The following TENM2 variants were observed in gnomAD, a reference collection of about 807,000 sequenced individuals.
TENM2 encodes teneurin transmembrane protein 2.
A neutral mutation model predicts 245.2 loss-of-function variants in TENM2; 52 were observed. The ratio of observed to expected loss-of-function variants is 0.21; its 90% CI spans 0.17 to 0.27. The LOEUF is 0.27. Ranked by LOEUF, TENM2 falls within the 10% of genes least tolerant of loss-of-function variation. The pLI is 1.00. For missense variants in TENM2, 3,046 were observed against 3,666.8 expected (o/e 0.83, Z 4.37); for synonymous variants, 1,363 against 1,438.9 (o/e 0.95, Z 1.19).
At chr5:167,458,266 C>G (rs1766043301) in intron 2 of TENM2, among the ~76,000 whole-genome samples, 1 of 145,342 alleles carries the variant, frequency 6.9e-6, no homozygotes, top group Non-Finnish European at 1.6e-5. Context: ...ACAGGTGGAT[C>G]ACCTGAGATC....
the TENM2 span, among the ~76,000 whole-genome samples, chr5:167,191,102 T>C: frequency 3.3e-5 from 5 of 151,960 alleles, no homozygotes. Flanking sequence ...TGATATATAT[T>C]CATGCCTGTC....
chr5:167,999,024 A>G (rs12522181), intron 5 of TENM2, among the ~76,000 whole-genome samples: 48,462 of 152,018 alleles, frequency 0.32, 7,869 homozygotes, highest in East Asian at 0.37. Flanking sequence ...CTCACTGAAC[A>G]GAGCAGGTTT....
chr5:167,011,072 T>C, the TENM2 span, among the ~76,000 whole-genome samples: 1 of 152,334 alleles, frequency 6.6e-6, no homozygotes, highest in South Asian at 2.1e-4. Flanking sequence ...TCCAAAAATC[T>C]TTATCTGGAG....
intron 1 of TENM2, among the ~76,000 whole-genome samples, chr5:167,331,599 G>A (rs1244414906): frequency 1.3e-5 from 2 of 152,168 alleles, no homozygotes; most frequent in African/African-American, 2.4e-5. Flanking sequence ...TGTTGGGCGC[G>A]AAGAAGGAAG....
At chr5:167,469,420 T>A (rs1182099100) in intron 2 of TENM2, among the ~76,000 whole-genome samples, 1 of 152,172 alleles carries the variant, frequency 6.6e-6, no homozygotes, top group Non-Finnish European at 1.5e-5. Flanking sequence ...AAATTAATGT[T>A]ATAAATCAAT....
chr5:167,886,764 G>A (rs915527733), intron 3 of TENM2, among the ~76,000 whole-genome samples: 1 of 152,142 alleles, frequency 6.6e-6, no homozygotes, highest in African/African-American at 2.4e-5. Context: ...AGATTGGGCA[G>A]GCAAAACACT....
intron 5 of TENM2, among the ~76,000 whole-genome samples, chr5:168,012,785 A>C (rs1478025458): frequency 6.6e-6 from 1 of 151,428 alleles, no homozygotes; most frequent in African/African-American, 2.4e-5. Context: ...AAAAAAAAAA[A>C]AAAAAAAAAA....
chr5:167,205,296 G>A, the TENM2 span, among the ~76,000 whole-genome samples: 6 of 152,258 alleles, frequency 3.9e-5, no homozygotes, highest in African/African-American at 4.8e-5. Flanking sequence ...CACGAGAATC[G>A]CTTGGACCTG....
At chr5:168,066,500 TC>T (rs1318486008) in intron 7 of TENM2, among the ~76,000 whole-genome samples, 1 of 152,306 alleles carries the variant, frequency 6.6e-6, no homozygotes, top group Admixed American at 6.5e-5. Context: ...TCCCAAATTG[TC>T]CTGAAAATGT....
intron 1 of TENM2, among the ~76,000 whole-genome samples, chr5:167,374,499 C>A (rs966815404): frequency 3.3e-5 from 5 of 152,070 alleles, no homozygotes; most frequent in African/African-American, 1.2e-4. Context: ...CACACAATCA[C>A]CCTGAGAAAA....
intron 7 of TENM2, among the ~76,000 whole-genome samples, chr5:168,066,624 G>A (rs986074395): frequency 1.3e-5 from 2 of 152,018 alleles, no homozygotes; most frequent in African/African-American, 2.4e-5. Context: ...AATTTTAAAG[G>A]TAGGTATTAT....
At chr5:167,369,030 A>G (rs187901472) in intron 1 of TENM2, among the ~76,000 whole-genome samples, 2 of 143,532 alleles carry the variant, frequency 1.4e-5, no homozygotes, top group Admixed American at 1.4e-4. Flanking sequence ...GTGTGTTTGT[A>G]AAAGTGTAGG....
chr5:167,910,368 T>C (rs1269135473), intron 3 of TENM2, among the ~76,000 whole-genome samples: 1 of 152,204 alleles, frequency 6.6e-6, no homozygotes, highest in Non-Finnish European at 1.5e-5. Flanking sequence ...CACACAGATG[T>C]GAGTCCCTGG....
At chr5:167,726,626 C>A (rs2150537579) in intron 2 of TENM2, among the ~76,000 whole-genome samples, 1 of 151,992 alleles carries the variant, frequency 6.6e-6, no homozygotes, top group South Asian at 2.1e-4. Context: ...ACCTAGCTAA[C>A]TTTTTTATTT....
At chr5:168,081,565 G>T (rs964359464) in intron 7 of TENM2, among the ~76,000 whole-genome samples, 2 of 152,294 alleles carry the variant, frequency 1.3e-5, no homozygotes, top group East Asian at 3.9e-4. Flanking sequence ...GCAGTGGCTT[G>T]TACTGGTTGT....
intron 2 of TENM2, among the ~76,000 whole-genome samples, chr5:167,491,999 G>A (rs184614219): frequency 2.6e-4 from 39 of 152,166 alleles, no homozygotes; most frequent in African/African-American, 8.4e-4. Context: ...AAAGAGGAAC[G>A]CTTTTTCAAT....
intron 3 of TENM2, among the ~76,000 whole-genome samples, chr5:167,912,743 T>C (rs1336750515): frequency 2.6e-5 from 4 of 152,166 alleles, no homozygotes; most frequent in African/African-American, 9.7e-5. Flanking sequence ...TGTTAGGATG[T>C]GAAGCAAAGG....
chr5:168,024,311 A>G (rs1464428459), intron 5 of TENM2, among the ~76,000 whole-genome samples: 1 of 152,208 alleles, frequency 6.6e-6, no homozygotes, highest in African/African-American at 2.4e-5. Context: ...GTGCAGGGAC[A>G]TTGTGAGCAG....
In TENM2 at chr5:168,250,552, T is replaced by A. The variant is rs1257991657; in HGVS notation, c.7432+2181T>A. Reference sequence around the variant, plus strand: ...ATCTACCTGGAGCACAGTGCTGCCATCTAAGCCCCATGCTGCAGAAATAAA... The same window carrying A: ...ATCTACCTGGAGCACAGTGCTGCCAACTAAGCCCCATGCTGCAGAAATAAA... On this transcript the variant is annotated intron_variant, in intron 27 of 28. Coordinates refer to ENST00000518659, the Ensembl canonical transcript of TENM2. Among the ~76,000 whole-genome samples, 5 of 152,282 alleles carry A rather than the reference T, an allele frequency of 3.3e-5. No individual in the cohort carries two copies. In the East Asian group the frequency reaches 9.7e-4, roughly 29 times the overall value.
Sources: gnomAD v4.1 joint callset for allele counts (sites outside exome capture counted in the v4.1 genomes callset) on GRCh38, gnomAD v4.1.1 for gene constraint, MANE v1.5 for transcripts, NCBI Gene and HGNC (gene_info 2026-07-23, HGNC 2026-07-21) for gene names.